LHFPL3: variants seen among roughly 807,000 people sequenced by gnomAD.
The protein encoded by LHFPL3 is LHFPL tetraspan subfamily member 3 protein.
Under a neutral mutation model 19.3 loss-of-function variants are expected in LHFPL3, and 5 were observed. The observed-to-expected ratio is 0.26, with a 90% confidence interval of 0.14 to 0.54. The LOEUF (loss-of-function observed/expected upper bound fraction) is 0.54. Among genes scored for constraint, LHFPL3 ranks in the 20% least tolerant of loss-of-function variants. LHFPL3 has a pLI of 0.94. For synonymous variants in LHFPL3, 133 were observed against 126.2 expected, an observed-to-expected ratio of 1.05 and a Z score of -0.36; for missense variants, 249 against 307.4, an observed-to-expected ratio of 0.81 and a Z score of 1.42.
intron 2 of LHFPL3, among the ~76,000 whole-genome samples, chr7:104,872,948 C>G (rs1004222853): frequency 6.6e-6 from 1 of 152,158 alleles, no homozygotes; most frequent in Non-Finnish European, 1.5e-5. Flanking sequence ...ATGTGCTAGA[C>G]TTTTCTATGA....
intron 1 of LHFPL3, among the ~76,000 whole-genome samples, chr7:104,476,478 A>C (rs1394862928): frequency 6.7e-6 from 1 of 149,702 alleles, no homozygotes; most frequent in Non-Finnish European, 1.5e-5. Context: ...TTTATTTTTG[A>C]GATGAAGTTT....
At chr7:104,831,331 C>T (rs923025954) in intron 2 of LHFPL3, among the ~76,000 whole-genome samples, 19 of 151,904 alleles carry the variant, frequency 1.3e-4, no homozygotes, top group Admixed American at 7.2e-4. Flanking sequence ...CTGGAAAATT[C>T]AATTCGGTCA....
intron 1 of LHFPL3, among the ~76,000 whole-genome samples, chr7:104,507,315 C>G (rs1343743302): frequency 6.8e-6 from 1 of 146,216 alleles, no homozygotes; most frequent in Non-Finnish European, 1.5e-5. Context: ...ATATCTACAA[C>G]TATCAGATCT....
chr7:104,658,689 C>A (rs1160159508), intron 1 of LHFPL3, among the ~76,000 whole-genome samples: 1 of 152,152 alleles, frequency 6.6e-6, no homozygotes, highest in Non-Finnish European at 1.5e-5. Context: ...ACCCTGGAGG[C>A]TGAGGCAGGA....
intron 2 of LHFPL3, among the ~76,000 whole-genome samples, chr7:104,824,143 T>C (rs1207526728): frequency 2.2e-4 from 8 of 36,020 alleles, no homozygotes; most frequent in African/African-American, 6.3e-4. Context: ...AAGACTTCTC[T>C]GTTTCAAAAA....
chr7:104,737,508 T>G (rs990985870), intron 2 of LHFPL3, among the ~76,000 whole-genome samples: 1 of 152,196 alleles, frequency 6.6e-6, no homozygotes, highest in African/African-American at 2.4e-5. Flanking sequence ...CCAAAAGAAA[T>G]TGCCTTCTGA....
chr7:104,508,576 A>T (rs996319253), intron 1 of LHFPL3, among the ~76,000 whole-genome samples: 5 of 149,986 alleles, frequency 3.3e-5, no homozygotes, highest in South Asian at 2.1e-4. Flanking sequence ...AACCTGCACA[A>T]TGTGCACATG....
chr7:104,479,089 C>T (rs1005549984), intron 1 of LHFPL3, among the ~76,000 whole-genome samples: 3 of 152,132 alleles, frequency 2.0e-5, no homozygotes, highest in African/African-American at 4.8e-5. Flanking sequence ...TGGCTGTTAT[C>T]TCTAGCTCAT....
intron 1 of LHFPL3, among the ~76,000 whole-genome samples, chr7:104,621,154 C>T (rs531174249): frequency 6.6e-6 from 1 of 152,326 alleles, no homozygotes; most frequent in Admixed American, 6.5e-5. Context: ...TCTCCAGCCC[C>T]ACTCATAATG....
chr7:104,592,299 T>G (rs1018625219), intron 1 of LHFPL3, among the ~76,000 whole-genome samples: 1 of 152,128 alleles, frequency 6.6e-6, no homozygotes, highest in Non-Finnish European at 1.5e-5. Context: ...CAGATGGGGT[T>G]TTGGTGTGGA....
chr7:104,648,028 T>C (rs1459875764), intron 1 of LHFPL3, among the ~76,000 whole-genome samples: 1 of 152,226 alleles, frequency 6.6e-6, no homozygotes, highest in African/African-American at 2.4e-5. Context: ...ATCTGACTTA[T>C]GAGGAATGCC....
chr7:104,412,847 T>C (rs1017288162), intron 1 of LHFPL3, among the ~76,000 whole-genome samples: 3 of 152,214 alleles, frequency 2.0e-5, no homozygotes, highest in African/African-American at 4.8e-5. Flanking sequence ...AGATACATCC[T>C]ACTAAAAGCA....
chr7:104,355,986 A>G (rs1340912613), intron 1 of LHFPL3, among the ~76,000 whole-genome samples: 1 of 152,262 alleles, frequency 6.6e-6, no homozygotes, highest in East Asian at 1.9e-4. Flanking sequence ...TACATTATAC[A>G]GATGTACCTA....
At chr7:104,468,267 C>G (rs1372799728) in intron 1 of LHFPL3, among the ~76,000 whole-genome samples, 2 of 152,170 alleles carry the variant, frequency 1.3e-5, no homozygotes, top group African/African-American at 2.4e-5. Flanking sequence ...CTTATCTAGC[C>G]AACCAAAACT....
intron 1 of LHFPL3, among the ~76,000 whole-genome samples, chr7:104,677,645 C>T (rs77017133): frequency 0.021 from 3,205 of 152,296 alleles, 54 homozygotes; most frequent in Non-Finnish European, 0.034. Flanking sequence ...CATTCTAGGG[C>T]AGTCCTGTCC....
At chr7:104,880,413 CTTT>C (rs1792025729) in intron 2 of LHFPL3, among the ~76,000 whole-genome samples, 1 of 152,150 alleles carries the variant, frequency 6.6e-6, no homozygotes, top group African/African-American at 2.4e-5. Flanking sequence ...AAATAAATCT[CTTT>C]CTGCATAAAT....
intron 1 of LHFPL3, among the ~76,000 whole-genome samples, chr7:104,626,253 C>G (rs564140219): frequency 6.6e-6 from 1 of 152,300 alleles, no homozygotes; most frequent in East Asian, 1.9e-4. Flanking sequence ...CAAAGACACT[C>G]CATGGCAGGG....
chr7:104,519,703 A>G (rs1794005918), intron 1 of LHFPL3, among the ~76,000 whole-genome samples: 1 of 152,108 alleles, frequency 6.6e-6, no homozygotes, highest in Admixed American at 6.6e-5. Flanking sequence ...TCATGGCGTT[A>G]ATGACTGTTT....
intron 1 of LHFPL3, among the ~76,000 whole-genome samples, chr7:104,561,307 G>T (rs1789997338): frequency 6.7e-6 from 1 of 149,402 alleles, no homozygotes; most frequent in Non-Finnish European, 1.5e-5. Flanking sequence ...TTATTAATGT[G>T]TGGGAGTCTA....
Sources: allele counts gnomAD v4.1 joint callset (sites outside exome capture counted in the v4.1 genomes callset), GRCh38; gene constraint gnomAD v4.1.1; transcripts MANE v1.5; gene names NCBI Gene and HGNC (gene_info 2026-07-23, HGNC 2026-07-21).